Variants in RANGAP1 observed in about 807,000 individuals in gnomAD.
RANGAP1 encodes the protein Ran GTPase activating protein 1.
RANGAP1 carries 38 observed loss-of-function variants against 63.5 expected under a neutral mutation model. The ratio of observed to expected loss-of-function variants is 0.60; its 90% CI spans 0.46 to 0.78. The LOEUF is 0.78. RANGAP1 is among the 30% of genes least tolerant of loss of function. RANGAP1 has a pLI of 0.00. For missense variants in RANGAP1, 630 were observed against 740.3 expected (o/e 0.85, Z 1.73); for synonymous variants, 329 against 310.5 (o/e 1.06, Z -0.63).
chr22:41,288,006 TTAATTAATTAACAGATCATG>T (rs2035793671), upstream of RANGAP1, among the ~76,000 whole-genome samples: 1 of 151,950 alleles, frequency 6.6e-6, no homozygotes, highest in Non-Finnish European at 1.5e-5. Flanking sequence ...AATAAATTAA[TTAATTAATTAACAGATCATG>T]CCATATCCTT....
chr22:41,253,585 C>A (rs2033618625), intron 11 of RANGAP1, among the ~76,000 whole-genome samples: 1 of 152,036 alleles, frequency 6.6e-6, no homozygotes, highest in Non-Finnish European at 1.5e-5. Context: ...ACAAGGGACA[C>A]CAAGTGCCCA....
chr22:41,274,838 T>C, intron 2 of RANGAP1, 111 bp from the exon 3 acceptor site: 1 of 1,352,020 alleles, frequency 7.4e-7, no homozygotes. Flanking sequence ...GCACCTACCA[T>C]GCAATGAGCC....
chr22:41,295,303 T>C, the RANGAP1 span, among the ~76,000 whole-genome samples: 1 of 151,690 alleles, frequency 6.6e-6, no homozygotes, highest in Non-Finnish European at 1.5e-5. Flanking sequence ...GGTTGCCGTG[T>C]CTGTGTAGAA....
In RANGAP1 at chr22:41,244,973, G is replaced by A. The variant is rs1479401670; in HGVS notation, c.*1630C>T. Among the ~76,000 whole-genome samples the A allele has an allele frequency of 3.3e-5, 5 of 152,130 alleles. No individual in the cohort carries two copies. The highest frequency in any genetic ancestry group is 7.4e-5 in the Non-Finnish European group (5 of 68,024). On this transcript the variant is annotated 3_prime_UTR_variant, in exon 16 of 16. Transcript: ENST00000356244. ...CTTGTCTCTGAATTTGCTTATTCTA[G>A]ATGCCTCATCTAAATGGAATCATAT... is the stretch of plus-strand genomic sequence containing the variant.
At position 41,250,450 on chromosome 22, in the gene RANGAP1, G is replaced by A. The variant is rs73430521; in HGVS notation, c.1483+557C>T. Among the ~76,000 whole-genome samples the A allele has an allele frequency of 9.2e-3, 1,401 of 152,314 alleles. 28 individuals carry two copies. The highest frequency in any genetic ancestry group is 0.032 in the African/African-American group (1,349 of 41,564). On this transcript the variant is annotated intron_variant, in intron 13 of 15. Coordinates refer to ENST00000356244, the MANE Select transcript of RANGAP1 (RefSeq NM_002883.4). The stretch of plus-strand genomic sequence containing the variant: ...CCTAACCGGAACTGGCTCAGGTTTC[G>A]TTAGATGTGGAGGCTCAGTCAAGCA...
At chr22:41,254,637 G>T in intron 10 of RANGAP1, 143 bp from the exon 11 acceptor site, 1 of 1,481,468 alleles carries the variant, frequency 6.8e-7, no homozygotes, top group African/African-American at 1.4e-5. Context: ...TCCCAGGGCA[G>T]GGGCAGGTGG....
rs1186297423 is a variant in RANGAP1, at chr22:41,264,902, T to C, written c.301-59A>G. On this transcript the variant is annotated intron_variant, in intron 4 of 15. Transcript: ENST00000356244. ...GACACCCAGCTTCTGTGCTGGGTGC[T>C]GCTTCTGTGCCAGGCCCAGCTCTGC... 2.2e-5 allele frequency: 33 copies of C among 1,519,094 alleles called. No homozygotes were observed. In the South Asian group the frequency reaches 3.5e-4, roughly 16 times the overall value. 94.1% of individuals were successfully genotyped at this position (1,519,094 alleles called of 1,614,324 possible).
At chr22:41,250,336 C>T (rs1245151348) in intron 13 of RANGAP1, among the ~76,000 whole-genome samples, 4 of 152,232 alleles carry the variant, frequency 2.6e-5, no homozygotes, top group African/African-American at 4.8e-5. Flanking sequence ...TTCGACGCCA[C>T]GCCGGGAAGA....
chr22:41,302,239 C>T, the RANGAP1 span, among the ~76,000 whole-genome samples: 1 of 151,622 alleles, frequency 6.6e-6, no homozygotes, highest in African/African-American at 2.4e-5. The surrounding 1 kb of genome is among the most constrained non-coding windows in gnomAD (Gnocchi z 5.7). Context: ...TGTCCTTGGC[C>T]CCGCAGCACC....
the RANGAP1 span, among the ~76,000 whole-genome samples, chr22:41,296,618 G>T: frequency 1.3e-5 from 2 of 150,084 alleles, no homozygotes; most frequent in Admixed American, 6.7e-5. Context: ...CTACACTCTA[G>T]CCTGGGTGAC....
intron 13 of RANGAP1, among the ~76,000 whole-genome samples, chr22:41,250,440 C>T (rs2033365894): frequency 6.6e-6 from 1 of 152,184 alleles, no homozygotes. Context: ...CCGGAACTGG[C>T]TCAGGTTTCG....
intron 6 of RANGAP1, 132 bp downstream of exon 6, chr22:41,261,314 C>A: frequency 7.2e-7 from 1 of 1,386,186 alleles, no homozygotes; most frequent in Non-Finnish European, 9.9e-7. Flanking sequence ...GGTTAACAGG[C>A]TTGGAGAGGG....
chr22:41,281,139 G>C, intron 1 of RANGAP1, 57 bp from the exon 2 acceptor site: 1 of 1,451,738 alleles, frequency 6.9e-7, no homozygotes, highest in Non-Finnish European at 9.1e-7. Context: ...CCTGGTTGGG[G>C]GCAGGGTAGG....
intron 15 of RANGAP1, among the ~76,000 whole-genome samples, chr22:41,248,251 T>C (rs527981343): frequency 6.6e-6 from 1 of 152,276 alleles, no homozygotes; most frequent in South Asian, 2.1e-4. Flanking sequence ...AGGCTCTACC[T>C]AGCACCTGGC....
chr22:41,256,435 C>A, intron 8 of RANGAP1, 145 bp from the exon 9 acceptor site: 3 of 771,108 alleles, frequency 3.9e-6, no homozygotes, highest in Non-Finnish European at 4.2e-6. Flanking sequence ...ATAACACCAA[C>A]AACAAAAATA....
At chr22:41,271,618 C>T (rs923258429) in intron 3 of RANGAP1, among the ~76,000 whole-genome samples, 2 of 150,202 alleles carry the variant, frequency 1.3e-5, no homozygotes, top group African/African-American at 2.5e-5. Flanking sequence ...GGCATGAACC[C>T]GGGAGGCGGA....
rs755393784 is a variant in RANGAP1 at position 41,261,568 on chromosome 22, C to T, written c.493G>A (p.Ala165Thr). The T allele has an allele frequency of 1.9e-6, 3 of 1,614,240 alleles. No individual in the cohort carries two copies. Among genetic ancestry groups the T allele is most frequent in the East Asian group, 4.5e-5 (2 of 44,882 alleles). ...GATTTCCGGTGACATTCGGTCAGAG[C>T]TGCAGCCAGGATCTGTGGGGAAAGG... ...GIGGGKILAA[A>T]LTECHRKSSA... The change falls in exon 6 of 16, where the codon GCT becomes ACT. Residue 165 changes from alanine to threonine, a missense_variant. By Grantham distance (58) the Ala-to-Thr change is moderately conservative (BLOSUM62 0). This residue lies in a region of RANGAP1 where 137 missense variants were observed against 214.3 expected (regional missense o/e 0.64). Coordinates refer to ENST00000356244, the MANE Select transcript of RANGAP1 (RefSeq NM_002883.4).
intron 14 of RANGAP1, 22 bp downstream of exon 14, chr22:41,249,707 C>T: frequency 1.2e-6 from 2 of 1,601,072 alleles, no homozygotes; most frequent in Non-Finnish European, 1.7e-6. Flanking sequence ...CCTCCCGGGC[C>T]TGCTGTTCCT....
the RANGAP1 span, among the ~76,000 whole-genome samples, chr22:41,295,184 C>G: frequency 6.6e-6 from 1 of 151,210 alleles, no homozygotes; most frequent in African/African-American, 2.4e-5. Context: ...GGCCACCACC[C>G]CGTCTGGGAG....
Sources: gnomAD v4.1 joint callset for allele counts (sites outside exome capture counted in the v4.1 genomes callset) on GRCh38, gnomAD v4.1.1 for gene constraint, gnomAD v4.1.1 regional missense constraint, Gnocchi (gnomAD v3.1) non-coding constraint, MANE v1.5 for transcripts, NCBI Gene and HGNC (gene_info 2026-07-23, HGNC 2026-07-21) for gene names.